ALAS1: variants seen among roughly 807,000 people sequenced by gnomAD.
The protein encoded by ALAS1 is 5-aminolevulinate synthase, non-specific, mitochondrial.
In ALAS1, 29 loss-of-function variants were observed where a neutral mutation model predicts 59.6. The observed-to-expected ratio is 0.49, with a 90% CI of 0.36 to 0.66. The LOEUF (loss-of-function observed/expected upper bound fraction) is 0.66, where lower values mean the gene tolerates loss of function less well. ALAS1 is among the 30% of genes least tolerant of loss of function. The probability of loss-of-function intolerance (pLI) is 0.00; values close to 1 mark genes in which losing one functional copy is unlikely to be tolerated. For synonymous variants in ALAS1, 299 were observed against 296.6 expected, an observed-to-expected ratio of 1.01 and a Z score of -0.08; for missense variants, 690 against 807.5, an observed-to-expected ratio of 0.85 and a Z score of 1.76.
intron 5 of ALAS1, 144 bp from the exon 6 acceptor site, chr3:52,204,549 A>G (rs1689948467): frequency 3.0e-6 from 2 of 675,604 alleles, no homozygotes; most frequent in East Asian, 2.7e-5. Flanking sequence ...CACGACATAC[A>G]GTCTTATTTA....
intron 6 of ALAS1, 73 bp downstream of exon 6, chr3:52,204,988 C>T (rs1699264814): frequency 1.5e-6 from 2 of 1,311,354 alleles, no homozygotes; most frequent in Non-Finnish European, 1.1e-6. Context: ...GGGGTTGGAT[C>T]TTTTATGGAG....
chr3:52,213,883 AT>A (rs1190380745), intron 11 of ALAS1, 136 bp from the exon 12 acceptor site: 1 of 746,536 alleles, frequency 1.3e-6, no homozygotes, highest in Non-Finnish European at 2.1e-6. Context: ...ATTGGTGGAC[AT>A]TTGGTTGTTT....
chr3:52,211,308 G>T lies in ALAS1; in HGVS notation c.1356G>T (p.Gly452=). The change falls in exon 10 of 12, where the codon GGG becomes GGT. Residue 452 remains glycine (G), a synonymous_variant. Coordinates refer to ENST00000484952, the MANE Select transcript of ALAS1 (RefSeq NM_000688.6). ...GCAAAGCCTTTGGTTGTGTTGGAGG[G>T]TACATCGCCAGCACGAGTTCTCTGA... is the stretch of plus-strand genomic sequence containing the variant. ...TLGKAFGCVG[G]YIASTSSLID... 6.2e-7 allele frequency: 1 copy of T among 1,614,100 alleles called. No individual in the cohort carries two copies. The highest frequency in any genetic ancestry group is 1.1e-5 in the South Asian group (1 of 91,082).
chr3:52,211,112 G>A (rs748333873), intron 9 of ALAS1, among the ~76,000 whole-genome samples, 171 bp from the exon 10 acceptor site: 18 of 152,166 alleles, frequency 1.2e-4, no homozygotes, highest in Admixed American at 3.3e-4. Flanking sequence ...ATATGTGGTC[G>A]TCATTGACTG....
Position 52,212,321 on chromosome 3 carries a change from G to C in ALAS1, c.1663G>C (p.Val555Leu), listed in dbSNP as rs138922632. Residue 555 changes from valine to leucine, a missense_variant, in exon 11 of 12, where the codon GTG (valine) becomes CTG (leucine). Coordinates refer to ENST00000484952, the MANE Select transcript of ALAS1 (RefSeq NM_000688.6). The part of the protein sequence containing the change: ...DELMSRHNIY[V>L]QAINYPTVPR... ...ACTAATGAGCAGACATAACATCTAC[G>C]TGCAAGCAATCAATTACCCTACGGT... 2.7e-5 allele frequency: 43 copies of C among 1,613,986 alleles called. No individual in the cohort carries two copies. Among genetic ancestry groups the C allele is most frequent in the Non-Finnish European group, 3.6e-5 (42 of 1,180,032 alleles).
At chr3:52,200,257 C>A (rs541614525) in intron 3 of ALAS1, among the ~76,000 whole-genome samples, 2 of 152,222 alleles carry the variant, frequency 1.3e-5, no homozygotes, top group East Asian at 3.9e-4. Flanking sequence ...GTCACCACCA[C>A]CATCCATCTC....
At chr3:52,212,461 G>A in intron 11 of ALAS1, 41 bp downstream of exon 11, 1 of 1,609,828 alleles carries the variant, frequency 6.2e-7, no homozygotes, top group Non-Finnish European at 8.5e-7. Context: ...CTGAGGAGTT[G>A]CATAAAGCTG....
At chr3:52,201,245 A>G (rs938525349) in intron 3 of ALAS1, among the ~76,000 whole-genome samples, 4 of 152,236 alleles carry the variant, frequency 2.6e-5, no homozygotes, top group Non-Finnish European at 4.4e-5. Context: ...AGCTAGAAGG[A>G]TAATTACCAG....
At position 52,211,273 on chromosome 3, in the gene ALAS1, C is replaced by G; in HGVS notation, c.1331-10C>G. The G allele has an allele frequency of 6.2e-7, 1 of 1,610,124 alleles. No homozygotes were observed. The highest frequency in any genetic ancestry group is 8.5e-7 in the Non-Finnish European group (1 of 1,176,940). On this transcript the variant is annotated splice_polypyrimidine_tract_variant and intron_variant, in intron 9 of 11. Transcript: ENST00000484952. Reference sequence around the variant, plus strand: ...CTGTTGCTGTAATTAATGAAGCTATCTCCTCCCAGGCAAAGCCTTTGGTTG... The same window carrying G: ...CTGTTGCTGTAATTAATGAAGCTATGTCCTCCCAGGCAAAGCCTTTGGTTG...
chr3:52,201,106 T>C (rs912675684), intron 3 of ALAS1, among the ~76,000 whole-genome samples: 2 of 152,222 alleles, frequency 1.3e-5, no homozygotes, highest in Non-Finnish European at 2.9e-5. Context: ...GAAAACTGTA[T>C]TGAGACACTT....
chr3:52,200,486 C>T (rs971718122), intron 3 of ALAS1, among the ~76,000 whole-genome samples: 4 of 152,246 alleles, frequency 2.6e-5, no homozygotes, highest in South Asian at 4.1e-4. Context: ...TCCTGTAATC[C>T]CAGCGCTTTG....
chr3:52,200,435 T>G (rs1699164362), intron 3 of ALAS1, among the ~76,000 whole-genome samples: 1 of 152,184 alleles, frequency 6.6e-6, no homozygotes, highest in Non-Finnish European at 1.5e-5. Flanking sequence ...TATTAGTGAT[T>G]TTTAAAAACA....
At chr3:52,199,610 G>A (rs780029666) in intron 3 of ALAS1, among the ~76,000 whole-genome samples, 170 bp downstream of exon 3, 3 of 152,180 alleles carry the variant, frequency 2.0e-5, no homozygotes, top group Non-Finnish European at 4.4e-5. Context: ...CCAAGGGTAG[G>A]CACTTTTAGC....
intron 5 of ALAS1, among the ~76,000 whole-genome samples, chr3:52,204,362 G>A (rs761509202): frequency 1.3e-5 from 2 of 152,236 alleles, no homozygotes; most frequent in Non-Finnish European, 1.5e-5. Context: ...CAGCCTGAAT[G>A]ACAGACAGAG....
intron 8 of ALAS1, 36 bp downstream of exon 8, chr3:52,206,787 T>A: frequency 6.3e-7 from 1 of 1,594,088 alleles, no homozygotes. Flanking sequence ...AAACCTAAGA[T>A]GAAAAACTAT....
chr3:52,203,630 A>G (rs1577964300), intron 4 of ALAS1, among the ~76,000 whole-genome samples: 1 of 152,140 alleles, frequency 6.6e-6, no homozygotes, highest in Non-Finnish European at 1.5e-5. Flanking sequence ...AAAGCTTTGG[A>G]CTTTATTGTT....
rs1302406011 is a variant in ALAS1, at chr3:52,203,852, T to C, written c.428-11T>C. Reference sequence around the variant, plus strand: ...GTTGGTCCCATTTGTTTCTTGTTACTTTTGTTCCAGAGGTTGCTGAAACCT... The same window carrying C: ...GTTGGTCCCATTTGTTTCTTGTTACCTTTGTTCCAGAGGTTGCTGAAACCT... On this transcript the variant is annotated splice_polypyrimidine_tract_variant and intron_variant, in intron 4 of 11. Transcript: ENST00000484952. 5.7e-6 allele frequency: 9 copies of C among 1,569,050 alleles called. No individual in the cohort carries two copies. The highest frequency in any genetic ancestry group is 7.8e-6 in the Non-Finnish European group (9 of 1,158,292).
rs1699295240 is a variant in ALAS1, at chr3:52,206,582, T to C, written c.996T>C (p.Ile332=). 6.2e-7 allele frequency: 1 copy of C among 1,614,042 alleles called. No homozygotes were observed. Among genetic ancestry groups the C allele is most frequent in the Admixed American group, 1.7e-5 (1 of 59,992 alleles). The change falls in exon 8 of 12, where the codon ATT becomes ATC. Residue 332 remains isoleucine (I), a synonymous_variant. Transcript: ENST00000484952. ...TTTTTGTTGTCTTAGGCTGTGAGATTTACTCTGATTCTGGGAACCATGCCT... is the reference window on the plus strand; with the variant it reads ...TTTTTGTTGTCTTAGGCTGTGAGATCTACTCTGATTCTGGGAACCATGCCT... The part of the protein sequence containing the change: ...TLAKMMPGCE[I]YSDSGNHASM...
chr3:52,212,619 C>T (rs899131655), intron 11 of ALAS1, 199 bp downstream of exon 11: 27 of 597,376 alleles, frequency 4.5e-5, no homozygotes, highest in Middle Eastern at 4.8e-4. Context: ...GCAACCCCTG[C>T]CTCCCAGGTT....
Sources: allele counts gnomAD v4.1 joint callset (sites outside exome capture counted in the v4.1 genomes callset), GRCh38; gene constraint gnomAD v4.1.1; transcripts MANE v1.5; gene names NCBI Gene and HGNC (gene_info 2026-07-23, HGNC 2026-07-21).